The following ALX1 variants were observed in gnomAD, a reference collection of about 807,000 sequenced individuals.
ALX1 encodes the protein ALX homeobox 1, also known as ALX homeobox protein 1.
Under a neutral mutation model 31.7 loss-of-function variants are expected in ALX1, and 19 were observed. That is an observed-to-expected ratio of 0.60 (90% confidence interval 0.42 to 0.88). The LOEUF (loss-of-function observed/expected upper bound fraction) is 0.88, where lower values mean the gene tolerates loss of function less well. ALX1 is among the 40% of genes least tolerant of loss of function. The pLI is 0.00. For missense variants in ALX1, 415 were observed against 407.8 expected, an observed-to-expected ratio of 1.02 and a Z score of -0.15; for synonymous variants, 153 against 148.8, an observed-to-expected ratio of 1.03 and a Z score of -0.20.
rs751012467 is a variant in ALX1, at chr12:85,286,991, A to G, written c.660+10A>G. On this transcript the variant is annotated intron_variant, in intron 3 of 3. Coordinates refer to ENST00000316824, the MANE Select transcript of ALX1 (RefSeq NM_006982.3). Reference sequence around the variant, plus strand: ...TGACAGCTACCCACAGGTATGCTAAACTACACAGAATACTGATCAAGAAAA... The same window carrying G: ...TGACAGCTACCCACAGGTATGCTAAGCTACACAGAATACTGATCAAGAAAA... The G allele has an allele frequency of 1.2e-6, 2 of 1,611,588 alleles. No individual in the cohort carries two copies. Among genetic ancestry groups the G allele is most frequent in the East Asian group, 4.5e-5 (2 of 44,756 alleles).
chr12:85,298,399 C>T (rs1253371603), intron 3 of ALX1, among the ~76,000 whole-genome samples: 1 of 151,692 alleles, frequency 6.6e-6, no homozygotes, highest in African/African-American at 2.4e-5. Flanking sequence ...TGAACATGGT[C>T]TTGAGCATCA....
chr12:85,282,055 A>G (rs1030585931), intron 1 of ALX1, among the ~76,000 whole-genome samples: 2 of 152,036 alleles, frequency 1.3e-5, no homozygotes, highest in Non-Finnish European at 2.9e-5. Flanking sequence ...TTTAGGAGAG[A>G]TCCTGTCTTT....
At chr12:85,280,721 A>G (rs1269751232) in intron 1 of ALX1, among the ~76,000 whole-genome samples, 2 of 152,172 alleles carry the variant, frequency 1.3e-5, no homozygotes, top group African/African-American at 4.8e-5. Flanking sequence ...CCTCTGAGCG[A>G]TTCTCCTTTC....
chr12:85,280,577 G>C, intron 1 of ALX1, 90 bp downstream of exon 1: 2 of 1,402,194 alleles, frequency 1.4e-6, no homozygotes, highest in Non-Finnish European at 2.0e-6. Flanking sequence ...AGGGAGAAAG[G>C]AGAAAAGTGG....
At chr12:85,292,320 A>G (rs1449794743) in intron 3 of ALX1, among the ~76,000 whole-genome samples, 2 of 151,140 alleles carry the variant, frequency 1.3e-5, no homozygotes, top group Non-Finnish European at 3.0e-5. Context: ...AATTCACCAG[A>G]ATTATTTTCT....
intron 3 of ALX1, among the ~76,000 whole-genome samples, chr12:85,300,020 A>G (rs879326198): frequency 1.3e-5 from 2 of 151,954 alleles, no homozygotes; most frequent in Admixed American, 6.6e-5. Flanking sequence ...GTTTTATTTC[A>G]TCTTCAAAGG....
rs1896968238 is a variant in ALX1, at chr12:85,301,611, A to T, written c.*136A>T. 2 of 879,254 alleles carry T rather than the reference A, an allele frequency of 2.3e-6. No individual in the cohort carries two copies. Among genetic ancestry groups the T allele is most frequent in the Non-Finnish European group, 3.5e-6 (2 of 570,556 alleles). The allele number at this position is 879,254 out of a possible 1,614,324, so 54.5% of individuals were successfully genotyped here. ...ATATTCAGTGAGACCAGCTTAAATG[A>T]ATAGTTGTTATTTAACATTAAAATC... On this transcript the variant is annotated 3_prime_UTR_variant, in exon 4 of 4. Transcript: ENST00000316824.
At chr12:85,292,152 T>C (rs1259243851) in intron 3 of ALX1, among the ~76,000 whole-genome samples, 5 of 151,108 alleles carry the variant, frequency 3.3e-5, no homozygotes, top group African/African-American at 4.8e-5. Context: ...GGTAGCTAAA[T>C]TGCTTGTTAT....
chr12:85,280,714 C>T (rs1010728863), intron 1 of ALX1, among the ~76,000 whole-genome samples: 2 of 152,300 alleles, frequency 1.3e-5, no homozygotes, highest in African/African-American at 4.8e-5. Flanking sequence ...CGGGTTGCCT[C>T]TGAGCGATTC....
Position 85,296,258 on chromosome 12 carries a change from G to C in ALX1, c.661-4897G>C, listed in dbSNP as rs1306996345. Among the ~76,000 whole-genome samples, 3 of 151,314 alleles carry C rather than the reference G, an allele frequency of 2.0e-5. 1 individual carries two copies. Among genetic ancestry groups the C allele is most frequent in the Non-Finnish European group, 4.4e-5 (3 of 67,654 alleles). ...CTACCCATAACTTACTGTAGTACTT[G>C]AATTTATTACAAATATATATCCACA... On this transcript the variant is annotated intron_variant, in intron 3 of 3. Transcript: ENST00000316824.
intron 3 of ALX1, among the ~76,000 whole-genome samples, chr12:85,290,379 C>T (rs1205110236): frequency 4.0e-5 from 6 of 151,044 alleles, no homozygotes; most frequent in Non-Finnish European, 1.5e-5. Context: ...GTAACATTAT[C>T]TCTTTAATTC....
At chr12:85,283,387 TA>T (rs1896704940) in intron 1 of ALX1, among the ~76,000 whole-genome samples, 184 bp from the exon 2 acceptor site, 1 of 152,184 alleles carries the variant, frequency 6.6e-6, no homozygotes. Context: ...GAACACATTT[TA>T]AAATGGTATT....
In ALX1 at chr12:85,280,494, C is replaced by T. The variant is rs757462532; in HGVS notation, c.226+7C>T. Reference sequence around the variant, plus strand: ...CCCTGTCAGGACAGCAGCGGTGAGTCGCTAGCGCCCCAGCCGGAGCCGCCG... The same window carrying T: ...CCCTGTCAGGACAGCAGCGGTGAGTTGCTAGCGCCCCAGCCGGAGCCGCCG... On this transcript the variant is annotated splice_region_variant and intron_variant, in intron 1 of 3. Coordinates refer to ENST00000316824, the MANE Select transcript of ALX1 (RefSeq NM_006982.3). 5.0e-6 allele frequency: 8 copies of T among 1,609,270 alleles called. No homozygotes were observed. In the South Asian group the frequency reaches 7.7e-5, roughly 15 times the overall value.
At chr12:85,284,612 C>T (rs1013880467) in intron 2 of ALX1, among the ~76,000 whole-genome samples, 2 of 151,924 alleles carry the variant, frequency 1.3e-5, no homozygotes, top group Non-Finnish European at 2.9e-5. Flanking sequence ...ATTGGATGAT[C>T]CAATATGCTT....
intron 3 of ALX1, among the ~76,000 whole-genome samples, chr12:85,289,383 TATTA>T (rs1201262367): frequency 7.3e-5 from 11 of 151,228 alleles, no homozygotes; most frequent in South Asian, 2.1e-4. Flanking sequence ...CTTTATATAT[TATTA>T]ATTAAAAGAA....
At position 85,283,963 on chromosome 12, in the gene ALX1, A is replaced by G. The variant is rs113782399; in HGVS notation, c.531+87A>G. 54 of 1,379,210 alleles carry G rather than the reference A, an allele frequency of 3.9e-5. 1 individual carries two copies. The African/African-American group carries it at 4.1e-4, about 11-fold the overall frequency. The allele number at this position is 1,379,210 out of a possible 1,614,324, so 85.4% of individuals were successfully genotyped here. On this transcript the variant is annotated intron_variant, in intron 2 of 3. Transcript: ENST00000316824. ...GAATAAGTGCATTTTGCCACAAAGA[A>G]ACAAACTGATTCCCTAGCTGAAGAT...
intron 3 of ALX1, among the ~76,000 whole-genome samples, chr12:85,291,944 A>T (rs1034155367): frequency 6.6e-6 from 1 of 151,114 alleles, no homozygotes; most frequent in African/African-American, 2.4e-5. Flanking sequence ...TTGGCAAATG[A>T]ATTTACCATG....
intron 3 of ALX1, among the ~76,000 whole-genome samples, chr12:85,298,331 T>C (rs1896916985): frequency 6.6e-6 from 1 of 151,710 alleles, no homozygotes; most frequent in South Asian, 2.1e-4. Flanking sequence ...AAAGTGTTCA[T>C]AATATATTTA....
At chr12:85,296,951 A>G (rs1422311387) in intron 3 of ALX1, among the ~76,000 whole-genome samples, 1 of 151,768 alleles carries the variant, frequency 6.6e-6, no homozygotes, top group Admixed American at 6.6e-5. Flanking sequence ...AACCACCAAT[A>G]TAATTTTTCC....
Sources: gnomAD v4.1 joint callset for allele counts (sites outside exome capture counted in the v4.1 genomes callset) on GRCh38, gnomAD v4.1.1 for gene constraint, MANE v1.5 for transcripts, NCBI Gene and HGNC (gene_info 2026-07-23, HGNC 2026-07-21) for gene names.